Variants in CPQ observed in about 807,000 individuals in gnomAD.
The protein encoded by CPQ is carboxypeptidase Q.
In CPQ, 37 loss-of-function variants were observed where a neutral mutation model predicts 45.7. The observed-to-expected ratio is 0.81, with a 90% confidence interval of 0.62 to 1.07. The LOEUF (loss-of-function observed/expected upper bound fraction) is 1.07. CPQ is among the 50% of genes least tolerant of loss of function. The pLI, the probability that CPQ is intolerant of heterozygous loss-of-function variation, is 0.00. For synonymous variants in CPQ, 186 were observed against 205.8 expected (o/e 0.90, Z 0.82); for missense variants, 537 against 572.9 (o/e 0.94, Z 0.64).
chr8:96,910,466 C>T (rs1227249765), intron 4 of CPQ, among the ~76,000 whole-genome samples: 3 of 152,042 alleles, frequency 2.0e-5, no homozygotes, highest in African/African-American at 7.2e-5. Flanking sequence ...ATGTATATTC[C>T]CATTTAACAT....
intron 3 of CPQ, among the ~76,000 whole-genome samples, chr8:96,850,405 T>C (rs1012334492): frequency 6.6e-6 from 1 of 152,118 alleles, no homozygotes; most frequent in African/African-American, 2.4e-5. Flanking sequence ...AGCTGTGAAA[T>C]AGATCTCCAT....
chr8:96,743,910 A>T (rs888926100), intron 1 of CPQ, among the ~76,000 whole-genome samples: 1 of 152,192 alleles, frequency 6.6e-6, no homozygotes, highest in Admixed American at 6.5e-5. Flanking sequence ...AAGTCTGCAG[A>T]GGTTACTGCT....
chr8:96,902,001 G>C (rs1293332998), intron 4 of CPQ, among the ~76,000 whole-genome samples: 1 of 152,108 alleles, frequency 6.6e-6, no homozygotes, highest in Non-Finnish European at 1.5e-5. Context: ...AGCTTAATAA[G>C]ACTACACAGA....
intron 7 of CPQ, among the ~76,000 whole-genome samples, chr8:97,098,044 C>T (rs182436749): frequency 9.2e-5 from 14 of 152,228 alleles, no homozygotes; most frequent in Non-Finnish European, 1.5e-4. Context: ...TTCATTATTC[C>T]ACTCATTTCT....
At chr8:96,700,258 C>T (rs971479732) in intron 1 of CPQ, among the ~76,000 whole-genome samples, 2 of 152,014 alleles carry the variant, frequency 1.3e-5, no homozygotes, top group Non-Finnish European at 2.9e-5. Context: ...AGACAATGGA[C>T]CGCAGGTAAG....
At chr8:96,678,309 G>C (rs1420955570) in intron 1 of CPQ, among the ~76,000 whole-genome samples, 2 of 151,956 alleles carry the variant, frequency 1.3e-5, no homozygotes, top group Non-Finnish European at 2.9e-5. Context: ...ATGAGCATGG[G>C]ATGTGTTTTT....
At chr8:97,118,498 G>A (rs1811634648) in intron 7 of CPQ, among the ~76,000 whole-genome samples, 1 of 152,222 alleles carries the variant, frequency 6.6e-6, no homozygotes, top group Non-Finnish European at 1.5e-5. Context: ...TTACAACAAT[G>A]TTGTTTAGGA....
At chr8:97,108,508 T>A (rs1811443028) in intron 7 of CPQ, among the ~76,000 whole-genome samples, 1 of 152,220 alleles carries the variant, frequency 6.6e-6, no homozygotes, top group Non-Finnish European at 1.5e-5. Context: ...TTTTTAAGTG[T>A]CAAAACACGC....
intron 5 of CPQ, among the ~76,000 whole-genome samples, chr8:96,971,260 GA>G (rs1170046694): frequency 1.3e-5 from 2 of 152,192 alleles, no homozygotes; most frequent in East Asian, 3.9e-4. Context: ...ACCATATGAT[GA>G]TTCCTTAATT....
At chr8:96,926,540 T>TTCTTCCTCTTCTTCTTCCTCTTCC (rs1812877956) in intron 4 of CPQ, among the ~76,000 whole-genome samples, 5 of 127,548 alleles carry the variant, frequency 3.9e-5, no homozygotes, top group African/African-American at 1.6e-4. Flanking sequence ...CTTTTTCTTC[T>TTCTTCCTCTTCTTCTTCCTCTTCC]TCTTCCTCTT....
intron 7 of CPQ, among the ~76,000 whole-genome samples, chr8:97,067,519 A>C (rs1336326047): frequency 6.6e-6 from 1 of 152,176 alleles, no homozygotes; most frequent in South Asian, 2.1e-4. Context: ...ACTCCACTCC[A>C]GATTTTTTTT....
chr8:96,831,364 C>T (rs1278999867), intron 2 of CPQ, among the ~76,000 whole-genome samples: 1 of 151,976 alleles, frequency 6.6e-6, no homozygotes, highest in Non-Finnish European at 1.5e-5. Flanking sequence ...CTAAGAGGTA[C>T]AGGAGGTTGG....
intron 1 of CPQ, chr8:96,761,096 T>G (rs1160378772): frequency 6.6e-6 from 1 of 152,194 alleles, no homozygotes; most frequent in African/African-American, 2.4e-5. Flanking sequence ...ACCTTCCTTC[T>G]AAACCTTTAA....
At chr8:97,081,548 C>T (rs1279547404) in intron 7 of CPQ, among the ~76,000 whole-genome samples, 1 of 152,138 alleles carries the variant, frequency 6.6e-6, no homozygotes. Flanking sequence ...GCTGCAAGGC[C>T]ACAACAGTTG....
At chr8:96,887,403 C>G (rs1263565253) in intron 4 of CPQ, among the ~76,000 whole-genome samples, 1 of 152,178 alleles carries the variant, frequency 6.6e-6, no homozygotes, top group Non-Finnish European at 1.5e-5. Flanking sequence ...AAAGCGAGGG[C>G]TGTCTTGTGG....
intron 4 of CPQ, among the ~76,000 whole-genome samples, chr8:96,898,157 G>A (rs550365534): frequency 1.3e-5 from 2 of 152,094 alleles, no homozygotes; most frequent in Non-Finnish European, 2.9e-5. Flanking sequence ...GGAATCTTGA[G>A]GAAGACACAG....
chr8:96,689,867 A>G (rs1809281874), intron 1 of CPQ, among the ~76,000 whole-genome samples: 2 of 152,030 alleles, frequency 1.3e-5, no homozygotes, highest in Admixed American at 1.3e-4. Context: ...TACTTTTGCT[A>G]TAATCCTTTT....
At chr8:97,133,960 A>G (rs1366024379) in intron 7 of CPQ, among the ~76,000 whole-genome samples, 2 of 152,246 alleles carry the variant, frequency 1.3e-5, no homozygotes, top group African/African-American at 4.8e-5. Context: ...ACTGAGTTCT[A>G]CATAATAGTG....
chr8:97,038,312 A>G (rs1282704136), intron 6 of CPQ, among the ~76,000 whole-genome samples: 1 of 152,228 alleles, frequency 6.6e-6, no homozygotes, highest in African/African-American at 2.4e-5. Context: ...GAATGGCTTC[A>G]GCTTGTATCT....
Sources: allele counts gnomAD v4.1 joint callset (sites outside exome capture counted in the v4.1 genomes callset), GRCh38; gene constraint gnomAD v4.1.1; transcripts MANE v1.5; gene names NCBI Gene and HGNC (gene_info 2026-07-23, HGNC 2026-07-21).